Variants in ADAMTSL1 observed in about 807,000 individuals in gnomAD.
ADAMTSL1 encodes ADAMTS like 1.
A neutral mutation model predicts 201.8 loss-of-function variants in ADAMTSL1; 126 were observed. That is an observed-to-expected ratio of 0.62 (90% CI 0.54 to 0.72). The LOEUF (loss-of-function observed/expected upper bound fraction) is 0.72, where lower values mean the gene tolerates loss of function less well. ADAMTSL1 is among the 30% of genes least tolerant of loss of function. The pLI, the probability that ADAMTSL1 is intolerant of heterozygous loss-of-function variation, is 0.00. For missense variants in ADAMTSL1, 2,679 were observed against 2,277.8 expected (o/e 1.18, Z -3.59); for synonymous variants, 1,121 against 903.4 (o/e 1.24, Z -4.32).
intron 7 of ADAMTSL1, among the ~76,000 whole-genome samples, chr9:18,641,799 A>G (rs1369169880): frequency 6.6e-6 from 1 of 151,948 alleles, no homozygotes; most frequent in Non-Finnish European, 1.5e-5. Flanking sequence ...TATTACTATT[A>G]TTTATCAGTT....
At chr9:17,947,517 A>G (rs930921890) in intron 1 of ADAMTSL1, among the ~76,000 whole-genome samples, 11 of 152,098 alleles carry the variant, frequency 7.2e-5, no homozygotes, top group African/African-American at 2.7e-4. Context: ...TATTTGTATC[A>G]CAAAAACAAA....
At position 18,442,583 on chromosome 9, in the gene ADAMTSL1, C is replaced by G. The variant is rs149965453; in HGVS notation, c.208-62246C>G. On this transcript the variant is annotated intron_variant, in intron 2 of 29. Coordinates refer to the ADAMTSL1 transcript ENST00000680146. ...GGGTCCTCAATTTAGTTGTATATTTCTTTAATATTTATTGAGTCTCTCAAA... is the reference window on the plus strand; with the variant it reads ...GGGTCCTCAATTTAGTTGTATATTTGTTTAATATTTATTGAGTCTCTCAAA... 6.6e-5 allele frequency among the ~76,000 whole-genome samples: 10 copies of G among 152,206 alleles called. No homozygotes were observed. The East Asian group carries it at 1.9e-3, about 29-fold the overall frequency.
chr9:18,296,340 T>A (rs963498980), intron 2 of ADAMTSL1, among the ~76,000 whole-genome samples: 1 of 152,114 alleles, frequency 6.6e-6, no homozygotes, highest in Non-Finnish European at 1.5e-5. Context: ...ATAAAAAAAT[T>A]TGGATAACAA....
chr9:18,800,909 CA>C (rs1196375200), intron 20 of ADAMTSL1, among the ~76,000 whole-genome samples: 1 of 152,112 alleles, frequency 6.6e-6, no homozygotes, highest in African/African-American at 2.4e-5. Context: ...ACTTAGACGC[CA>C]TCAACATCAA....
At chr9:18,615,195 AAACCT>A (rs1436419321) in intron 4 of ADAMTSL1, among the ~76,000 whole-genome samples, 1 of 152,222 alleles carries the variant, frequency 6.6e-6, no homozygotes, top group Non-Finnish European at 1.5e-5. Flanking sequence ...CTCATATTGG[AAACCT>A]TAGTTGTAAA....
intron 7 of ADAMTSL1, among the ~76,000 whole-genome samples, chr9:18,648,762 T>C (rs998024225): frequency 5.3e-5 from 8 of 152,076 alleles, no homozygotes; most frequent in African/African-American, 1.9e-4. Context: ...GATCCGCTGT[T>C]AGTCTGATGG....
intron 1 of ADAMTSL1, among the ~76,000 whole-genome samples, chr9:18,138,949 T>C (rs1280042264): frequency 1.3e-5 from 2 of 152,134 alleles, no homozygotes; most frequent in Non-Finnish European, 2.9e-5. Context: ...TATGTGTGTG[T>C]ATGAGGAAGA....
chr9:18,222,674 T>C (rs968087382), intron 2 of ADAMTSL1, among the ~76,000 whole-genome samples: 15 of 151,552 alleles, frequency 9.9e-5, no homozygotes, highest in African/African-American at 3.1e-4. Context: ...CATTCCTTTT[T>C]TCTTTTTAAA....
At chr9:18,528,134 G>A (rs879710331) in intron 2 of ADAMTSL1, among the ~76,000 whole-genome samples, 37 of 152,168 alleles carry the variant, frequency 2.4e-4, no homozygotes, top group East Asian at 5.8e-4. Flanking sequence ...TGTCTTGGCC[G>A]CCCAAAGTGC....
intron 1 of ADAMTSL1, among the ~76,000 whole-genome samples, chr9:18,486,878 G>A (rs368114117): frequency 2.2e-4 from 34 of 152,246 alleles, no homozygotes; most frequent in East Asian, 5.8e-4. Context: ...ACCAAATAGC[G>A]TCCTACTCCA....
chr9:18,405,536 T>A (rs1250492367), intron 2 of ADAMTSL1, among the ~76,000 whole-genome samples: 1 of 151,668 alleles, frequency 6.6e-6, no homozygotes, highest in Non-Finnish European at 1.5e-5. Context: ...AAGCAGCAGT[T>A]GACGTGAGAG....
At chr9:18,603,810 T>G (rs1824827035) in intron 4 of ADAMTSL1, among the ~76,000 whole-genome samples, 1 of 152,218 alleles carries the variant, frequency 6.6e-6, no homozygotes, top group South Asian at 2.1e-4. Context: ...CTTTTTCATC[T>G]TCCCAAACTG....
chr9:17,995,943 A>G (rs1028940000), intron 1 of ADAMTSL1, among the ~76,000 whole-genome samples: 36 of 151,958 alleles, frequency 2.4e-4, no homozygotes, highest in African/African-American at 8.5e-4. Flanking sequence ...CCGTATAGCT[A>G]GGCCATACAG....
At chr9:17,916,187 C>G (rs889843384) in intron 1 of ADAMTSL1, among the ~76,000 whole-genome samples, 2 of 152,216 alleles carry the variant, frequency 1.3e-5, no homozygotes, top group Non-Finnish European at 2.9e-5. Flanking sequence ...TCCCAAAGTA[C>G]TGGGATTACA....
At chr9:18,496,923 C>A (rs917108928) in intron 1 of ADAMTSL1, among the ~76,000 whole-genome samples, 1 of 152,140 alleles carries the variant, frequency 6.6e-6, no homozygotes, top group African/African-American at 2.4e-5. Context: ...ACTGGCTCAC[C>A]AGGAAGTTGG....
At chr9:18,427,236 A>G (rs1194437123) in intron 2 of ADAMTSL1, among the ~76,000 whole-genome samples, 1 of 152,260 alleles carries the variant, frequency 6.6e-6, no homozygotes, top group Non-Finnish European at 1.5e-5. Context: ...TATCAGCTAT[A>G]GTTAGAAAGA....
At chr9:18,252,849 A>G (rs572339752) in intron 2 of ADAMTSL1, among the ~76,000 whole-genome samples, 2 of 152,350 alleles carry the variant, frequency 1.3e-5, no homozygotes, top group African/African-American at 4.8e-5. Flanking sequence ...AATAAAATTT[A>G]CAAATACATA....
intron 2 of ADAMTSL1, among the ~76,000 whole-genome samples, chr9:18,316,640 G>T (rs779077531): frequency 5.3e-5 from 8 of 151,948 alleles, no homozygotes; most frequent in Non-Finnish European, 8.8e-5. Context: ...TTTTCAAGGT[G>T]CCCAGATTTC....
intron 15 of ADAMTSL1, among the ~76,000 whole-genome samples, chr9:18,739,586 C>T (rs1430895112): frequency 1.3e-5 from 2 of 152,224 alleles, no homozygotes; most frequent in Non-Finnish European, 2.9e-5. Context: ...GGTAACAAAA[C>T]ATCAAAGAGT....
Sources: allele counts gnomAD v4.1 joint callset (sites outside exome capture counted in the v4.1 genomes callset), GRCh38; gene constraint gnomAD v4.1.1; transcripts MANE v1.5; gene names NCBI Gene and HGNC (gene_info 2026-07-23, HGNC 2026-07-21).